The following CDKAL1 variants were observed in gnomAD, a reference collection of about 807,000 sequenced individuals.
CDKAL1 encodes threonylcarbamoyladenosine tRNA methylthiotransferase.
A neutral mutation model predicts 68.2 loss-of-function variants in CDKAL1; 32 were observed. That is an observed-to-expected ratio of 0.47 (90% CI 0.35 to 0.63). The LOEUF (loss-of-function observed/expected upper bound fraction) is 0.63, where lower values mean the gene tolerates loss of function less well. Among genes scored for constraint, CDKAL1 ranks in the 30% least tolerant of loss-of-function variants. The pLI is 0.00. For missense variants in CDKAL1, 606 were observed against 696.7 expected (o/e 0.87, Z 1.47); for synonymous variants, 234 against 244.3 (o/e 0.96, Z 0.39).
At chr6:21,106,095 G>C (rs771597572) in intron 12 of CDKAL1, among the ~76,000 whole-genome samples, 2 of 152,188 alleles carry the variant, frequency 1.3e-5, no homozygotes, top group Non-Finnish European at 1.5e-5. Flanking sequence ...TGTGTGTACT[G>C]TCTGATCCTG....
rs1466835171 is a variant in CDKAL1, at chr6:20,974,590, A to T, written c.909+19005A>T. Among the ~76,000 whole-genome samples, 6 of 152,214 alleles carry T rather than the reference A, an allele frequency of 3.9e-5. No individual in the cohort carries two copies. In the East Asian group the frequency reaches 1.2e-3, roughly 29 times the overall value. Reference sequence around the variant, plus strand: ...GCTCTACAAATAATATATAACATTGATATCGTAAGGTTTCTATTTTTCTGG... The same window carrying T: ...GCTCTACAAATAATATATAACATTGTTATCGTAAGGTTTCTATTTTTCTGG... On this transcript the variant is annotated intron_variant, in intron 10 of 15. Coordinates refer to ENST00000274695, the MANE Select transcript of CDKAL1 (RefSeq NM_017774.3).
intron 11 of CDKAL1, among the ~76,000 whole-genome samples, chr6:21,012,939 T>G (rs529268566): frequency 1.3e-5 from 2 of 152,230 alleles, no homozygotes; most frequent in Non-Finnish European, 2.9e-5. Context: ...TTTTAGTCTG[T>G]TTCTTGTCAG....
intron 4 of CDKAL1, among the ~76,000 whole-genome samples, chr6:20,627,676 A>G (rs1024178834): frequency 1.3e-5 from 2 of 152,226 alleles, no homozygotes; most frequent in Non-Finnish European, 2.9e-5. Flanking sequence ...CAATTTGAGA[A>G]GAATTGATAT....
At chr6:21,028,767 G>A (rs1391451307) in intron 11 of CDKAL1, among the ~76,000 whole-genome samples, 2 of 152,112 alleles carry the variant, frequency 1.3e-5, no homozygotes, top group African/African-American at 4.8e-5. Flanking sequence ...AAAAAATAGA[G>A]ACTTAAAGTG....
In CDKAL1 at chr6:20,548,957, A is replaced by C. The variant is rs113995038; in HGVS notation, c.286+252A>C. Among the ~76,000 whole-genome samples the C allele has an allele frequency of 6.0e-3, 916 of 152,338 alleles. 10 individuals are homozygous for C. Among genetic ancestry groups the C allele is most frequent in the African/African-American group, 0.02 (850 of 41,574 alleles). On this transcript the variant is annotated intron_variant, in intron 4 of 15. Transcript: ENST00000274695. ...TATGCCCATCACCAAGCTTCCCTTG[A>C]TATTAACATCTTACGTAGTTGTAAT...
At chr6:21,051,380 A>T (rs892486612) in intron 11 of CDKAL1, among the ~76,000 whole-genome samples, 2 of 152,292 alleles carry the variant, frequency 1.3e-5, no homozygotes, top group East Asian at 1.9e-4. Flanking sequence ...TCTCAAAAAA[A>T]TAGTAATAAT....
chr6:20,758,677 T>C (rs1774339469), intron 7 of CDKAL1, 34 bp downstream of exon 7: 4 of 1,543,948 alleles, frequency 2.6e-6, no homozygotes, highest in Non-Finnish European at 3.6e-6. Flanking sequence ...CAGATGTATA[T>C]ATTTTCTGAA....
At chr6:20,882,770 G>A (rs1760886971) in intron 9 of CDKAL1, among the ~76,000 whole-genome samples, 1 of 152,240 alleles carries the variant, frequency 6.6e-6, no homozygotes, top group East Asian at 1.9e-4. Flanking sequence ...ATTCTTATGA[G>A]AACATGTCCA....
intron 4 of CDKAL1, among the ~76,000 whole-genome samples, chr6:20,589,719 GTTTTTC>G (rs1765516315): frequency 6.9e-6 from 1 of 145,092 alleles, no homozygotes; most frequent in African/African-American, 2.7e-5. Flanking sequence ...CATATTATTA[GTTTTTC>G]TCATATTTCA....
At chr6:20,743,564 T>C (rs940771830) in intron 6 of CDKAL1, among the ~76,000 whole-genome samples, 4 of 152,134 alleles carry the variant, frequency 2.6e-5, no homozygotes, top group Admixed American at 6.5e-5. Context: ...GGGCATTTAG[T>C]TTAGTAATCA....
At chr6:20,592,905 T>C (rs899739361) in intron 4 of CDKAL1, among the ~76,000 whole-genome samples, 2 of 152,210 alleles carry the variant, frequency 1.3e-5, no homozygotes, top group African/African-American at 4.8e-5. Flanking sequence ...TCGAAGGCCT[T>C]TTCTGCATCT....
intron 12 of CDKAL1, among the ~76,000 whole-genome samples, chr6:21,071,888 A>T (rs909410911): frequency 3.3e-5 from 5 of 152,174 alleles, no homozygotes; most frequent in Admixed American, 1.3e-4. Flanking sequence ...AGTGTTTAAC[A>T]AGTGACTCTC....
intron 9 of CDKAL1, among the ~76,000 whole-genome samples, chr6:20,909,336 AT>A (rs1432286387): frequency 6.6e-6 from 1 of 152,256 alleles, no homozygotes; most frequent in East Asian, 1.9e-4. Flanking sequence ...AGAATTGATG[AT>A]GGGACCAAAA....
intron 8 of CDKAL1, among the ~76,000 whole-genome samples, chr6:20,790,644 G>C (rs969974297): frequency 6.6e-6 from 1 of 152,154 alleles, no homozygotes; most frequent in Admixed American, 6.5e-5. Flanking sequence ...TATAGCATTC[G>C]GTGGTTCCCA....
intron 13 of CDKAL1, among the ~76,000 whole-genome samples, chr6:21,117,015 T>A (rs1399467656): frequency 1.3e-5 from 2 of 152,176 alleles, no homozygotes; most frequent in African/African-American, 2.4e-5. Context: ...CCTGGGTATG[T>A]CCCTGGTTAT....
intron 9 of CDKAL1, among the ~76,000 whole-genome samples, chr6:20,879,051 C>T (rs546549003): frequency 2.0e-5 from 3 of 151,796 alleles, no homozygotes; most frequent in Non-Finnish European, 4.4e-5. Context: ...TGCACTCCAG[C>T]CTGGGTGACA....
At chr6:20,728,687 C>G (rs1482855815) in intron 5 of CDKAL1, among the ~76,000 whole-genome samples, 1 of 152,064 alleles carries the variant, frequency 6.6e-6, no homozygotes, top group Non-Finnish European at 1.5e-5. Flanking sequence ...AACGAAATGA[C>G]AGGGCTAGAA....
At chr6:20,928,930 C>T (rs978036515) in intron 9 of CDKAL1, among the ~76,000 whole-genome samples, 45 of 152,230 alleles carry the variant, frequency 3.0e-4, no homozygotes, top group African/African-American at 9.6e-4. Context: ...AAAATACTTA[C>T]GAAGTCGAGT....
chr6:21,207,209 G>A (rs974164104), intron 15 of CDKAL1, among the ~76,000 whole-genome samples: 1 of 143,794 alleles, frequency 7.0e-6, no homozygotes, highest in African/African-American at 2.7e-5. Context: ...CACCACACCC[G>A]GCCTACTTTA....
Sources: allele counts gnomAD v4.1 joint callset (sites outside exome capture counted in the v4.1 genomes callset), GRCh38; gene constraint gnomAD v4.1.1; transcripts MANE v1.5; gene names NCBI Gene and HGNC (gene_info 2026-07-23, HGNC 2026-07-21).